The following ARHGEF6 variants were observed in gnomAD, a reference collection of about 807,000 sequenced individuals.
The protein encoded by ARHGEF6 is Rac/Cdc42 guanine nucleotide exchange factor 6, also known as rho guanine nucleotide exchange factor 6.
In ARHGEF6, 9 loss-of-function variants were observed where a neutral mutation model predicts 70.3. That is an observed-to-expected ratio of 0.13 (90% confidence interval 0.08 to 0.22). The LOEUF is 0.22. Ranked by LOEUF, ARHGEF6 falls within the 10% of genes least tolerant of loss-of-function variation. The pLI is 1.00. For synonymous variants in ARHGEF6, 201 were observed against 207.8 expected (o/e 0.97, Z 0.28); for missense variants, 470 against 563.0 (o/e 0.83, Z 1.67).
At chrX:136,709,822 C>T (rs1452288056) in intron 7 of ARHGEF6, among the ~76,000 whole-genome samples, 1 of 111,166 alleles carries the variant, frequency 9.0e-6, no homozygotes, top group African/African-American at 3.3e-5. Flanking sequence ...AAGAATTAGC[C>T]GAGTGTGGTG....
intron 2 of ARHGEF6, among the ~76,000 whole-genome samples, chrX:136,748,530 G>A (rs1382190162): frequency 8.9e-6 from 1 of 112,075 alleles, no homozygotes; most frequent in Non-Finnish European, 1.9e-5. Flanking sequence ...TCATGCACAG[G>A]TACAATCTAT....
intron 6 of ARHGEF6, among the ~76,000 whole-genome samples, chrX:136,718,605 G>C (rs1286109338): frequency 9.0e-6 from 1 of 111,396 alleles, no homozygotes; most frequent in Non-Finnish European, 1.9e-5. Flanking sequence ...ATGAAAAACT[G>C]TTAAATAATT....
chrX:136,691,109 A>G (rs1260265466), intron 9 of ARHGEF6, among the ~76,000 whole-genome samples: 6 of 111,688 alleles, frequency 5.4e-5, no homozygotes, highest in African/African-American at 2.0e-4. Context: ...TGGGCGTGAG[A>G]TATACAGTGT....
At chrX:136,680,226 CTCA>C (rs747352342) in intron 15 of ARHGEF6, among the ~76,000 whole-genome samples, 31 of 112,676 alleles carry the variant, frequency 2.8e-4, no homozygotes, top group Non-Finnish European at 4.7e-4. Flanking sequence ...ACAGTAAAAT[CTCA>C]TCAATTCAAA....
At chrX:136,729,003 TCTCTCTC>T (rs2076900387) in intron 6 of ARHGEF6, among the ~76,000 whole-genome samples, 1 of 13,375 alleles carries the variant, frequency 7.5e-5, no homozygotes, top group African/African-American at 8.1e-4. Context: ...TTATTCATTC[TCTCTCTC>T]TCTCTCTCTC....
intron 7 of ARHGEF6, among the ~76,000 whole-genome samples, chrX:136,711,818 C>T (rs2076688317): frequency 8.9e-6 from 1 of 112,324 alleles, no homozygotes; most frequent in African/African-American, 3.2e-5. Context: ...GCCTCGGCCT[C>T]CCACAGTGCT....
At chrX:136,716,474 T>C (rs1043891215) in intron 6 of ARHGEF6, among the ~76,000 whole-genome samples, 8 of 110,023 alleles carry the variant, frequency 7.3e-5, no homozygotes, top group Admixed American at 2.9e-4. Context: ...ATAGAATGTT[T>C]CCCCTCCTTC....
At chrX:136,718,596 T>C (rs2076762300) in intron 6 of ARHGEF6, among the ~76,000 whole-genome samples, 1 of 111,835 alleles carries the variant, frequency 8.9e-6, no homozygotes, top group Non-Finnish European at 1.9e-5. Flanking sequence ...ATAACAATTA[T>C]GAAAAACTGT....
intron 2 of ARHGEF6, among the ~76,000 whole-genome samples, chrX:136,764,240 T>G (rs1426315679): frequency 9.0e-6 from 1 of 111,010 alleles, no homozygotes; most frequent in Non-Finnish European, 1.9e-5. Context: ...GCTGAACACA[T>G]GCAGACCCTA....
chrX:136,715,484 T>C (rs772490779), intron 6 of ARHGEF6, among the ~76,000 whole-genome samples: 77 of 111,194 alleles, frequency 6.9e-4, no homozygotes, highest in Admixed American at 1.3e-3. Flanking sequence ...CAAACTGAAA[T>C]AAACCATCGT....
intron 10 of ARHGEF6, among the ~76,000 whole-genome samples, chrX:136,690,146 G>C (rs913075841): frequency 2.7e-5 from 3 of 111,931 alleles, no homozygotes; most frequent in African/African-American, 9.7e-5. Context: ...TCAGGAAGTT[G>C]AATGATGGCA....
Position 136,669,537 on chromosome X carries a change from C to G in ARHGEF6, c.2136-1G>C, listed in dbSNP as rs1306149438. 1 of 1,203,230 alleles carries G rather than the reference C, an allele frequency of 8.3e-7. No homozygotes were observed. The highest frequency in any genetic ancestry group is 1.8e-5 in the African/African-American group (1 of 56,973). ...GGCGTAAACAGTATCAACAAGGCTC[C>G]TAGAAAATAAAGATAAAATTCAGAG... On this transcript the variant is annotated splice_acceptor_variant, in intron 20 of 21. Coordinates refer to ENST00000250617, the MANE Select transcript of ARHGEF6 (RefSeq NM_004840.3). LOFTEE classifies it high-confidence loss of function.
At chrX:136,754,317 G>A (rs1419205971) in intron 2 of ARHGEF6, among the ~76,000 whole-genome samples, 1 of 111,290 alleles carries the variant, frequency 9.0e-6, no homozygotes, top group African/African-American at 3.3e-5. Context: ...TGGGCACAAT[G>A]GCTCACACCT....
intron 5 of ARHGEF6, among the ~76,000 whole-genome samples, chrX:136,740,091 C>T (rs1200192777): frequency 1.8e-5 from 2 of 111,135 alleles, no homozygotes; most frequent in Non-Finnish European, 3.8e-5. Context: ...TCACTGCAAC[C>T]TCCGCCTCCT....
At chrX:136,684,796 CCTT>C (rs769548395) in intron 12 of ARHGEF6, among the ~76,000 whole-genome samples, 1 of 111,939 alleles carries the variant, frequency 8.9e-6, no homozygotes, top group South Asian at 3.8e-4. Flanking sequence ...CCAATTTGCT[CCTT>C]CTGCTCCATT....
intron 12 of ARHGEF6, among the ~76,000 whole-genome samples, chrX:136,684,644 C>T (rs1409477674): frequency 9.0e-6 from 1 of 110,599 alleles, no homozygotes; most frequent in Non-Finnish European, 1.9e-5. Flanking sequence ...TAACTCTGAC[C>T]TCTCACTCAC....
intron 7 of ARHGEF6, among the ~76,000 whole-genome samples, chrX:136,711,932 A>C (rs1457203293): frequency 8.9e-6 from 1 of 112,381 alleles, no homozygotes; most frequent in African/African-American, 3.2e-5. Flanking sequence ...AGGAATAGAA[A>C]ATTTTTTCAT....
chrX:136,771,800 A>C (rs961590604), intron 2 of ARHGEF6, among the ~76,000 whole-genome samples: 2 of 111,827 alleles, frequency 1.8e-5, no homozygotes, highest in Non-Finnish European at 3.8e-5. Flanking sequence ...ACCCTCATAC[A>C]CTGCTGGTGG....
rs776106019 is a variant in ARHGEF6 at position 136,676,730 on chromosome X, AGG to A, written c.1852-15_1852-14del. The A allele has an allele frequency of 5.3e-6, 6 of 1,129,353 alleles. No homozygotes were observed. The highest frequency in any genetic ancestry group is 6.1e-6 in the Non-Finnish European group (5 of 820,623). The allele number at this position is 1,129,353 out of a possible 1,213,427, so 93.1% of individuals were successfully genotyped here. ...TTTTACTAGACTCCTGTGAGGACAGAGGTTTCTTAATGAATTAAAATTCTCCC... is the reference window on the plus strand; with the variant it reads ...TTTTACTAGACTCCTGTGAGGACAGATTTCTTAATGAATTAAAATTCTCCC... On this transcript the variant is annotated splice_polypyrimidine_tract_variant and intron_variant, in intron 17 of 21. Transcript: ENST00000250617.
Sources: allele counts gnomAD v4.1 joint callset (sites outside exome capture counted in the v4.1 genomes callset), GRCh38; gene constraint gnomAD v4.1.1; transcripts MANE v1.5; gene names NCBI Gene and HGNC (gene_info 2026-07-23, HGNC 2026-07-21).